VKORC1L1: variants seen among roughly 807,000 people sequenced by gnomAD.
The protein encoded by VKORC1L1 is vitamin K epoxide reductase complex subunit 1-like protein 1.
VKORC1L1 carries 2 observed loss-of-function variants against 18.9 expected under a neutral mutation model. The ratio of observed to expected loss-of-function variants is 0.11; its 90% CI spans 0.04 to 0.33. The LOEUF is 0.33. Ranked by LOEUF, VKORC1L1 falls within the 10% of genes least tolerant of loss-of-function variation. The pLI, the probability that VKORC1L1 is intolerant of heterozygous loss-of-function variation, is 1.00. For missense variants in VKORC1L1, 123 were observed against 224.1 expected, an observed-to-expected ratio of 0.55 and a Z score of 2.88; for synonymous variants, 96 against 100.0, an observed-to-expected ratio of 0.96 and a Z score of 0.24.
Position 65,948,702 on chromosome 7 carries a change from A to G in VKORC1L1, c.226A>G (p.Ile76Val). 3 of 1,376,480 alleles carry G rather than the reference A, an allele frequency of 2.2e-6. No individual in the cohort carries two copies. Among genetic ancestry groups the G allele is most frequent in the South Asian group, 1.4e-5 (1 of 73,990 alleles). 85.3% of individuals were successfully genotyped at this position (1,376,480 alleles called of 1,614,324 possible). Residue 76 changes from isoleucine (I) to valine (V), a missense_variant, in exon 2 of 3, where the codon ATT (isoleucine) becomes GTT (valine). By Grantham distance (29) the Ile-to-Val change is conservative. Transcript: ENST00000360768. ...TCGAGGATTTGGTCTTTTGGGTTCC[A>G]TTTTTGGAAAGGATGGTGTATTAAA... ...WGRGFGLLGS[I>V]FGKDGVLNQP...
chr7:65,937,251 C>G (rs1468674466), intron 1 of VKORC1L1, among the ~76,000 whole-genome samples: 1 of 152,228 alleles, frequency 6.6e-6, no homozygotes, highest in African/African-American at 2.4e-5. Flanking sequence ...TTACTCTCCT[C>G]TATCAACCAG....
At chr7:65,898,278 G>T (rs1342070379) in intron 1 of VKORC1L1, among the ~76,000 whole-genome samples, 2 of 151,578 alleles carry the variant, frequency 1.3e-5, no homozygotes, top group Admixed American at 1.3e-4. Context: ...GTAGAGACGG[G>T]GTTTCACCAT....
At chr7:65,886,839 G>GGTTTT (rs1237860894) in intron 1 of VKORC1L1, among the ~76,000 whole-genome samples, 41 of 58,626 alleles carry the variant, frequency 7.0e-4, no homozygotes, top group East Asian at 6.2e-3. Context: ...GCCTGTCCGA[G>GGTTTT]TTTTTTTTTT....
chr7:65,927,917 A>T (rs1187581684), intron 1 of VKORC1L1, among the ~76,000 whole-genome samples: 1 of 152,098 alleles, frequency 6.6e-6, no homozygotes, highest in East Asian at 1.9e-4. Context: ...GCCCCAACTG[A>T]TAGGCGCCTG....
At chr7:65,937,115 TTTGTTG>T (rs140101281) in intron 1 of VKORC1L1, among the ~76,000 whole-genome samples, 4 of 151,948 alleles carry the variant, frequency 2.6e-5, no homozygotes, top group African/African-American at 9.7e-5. Flanking sequence ...TGGGTTTTGT[TTTGTTG>T]TTGTTGTTGT....
upstream of VKORC1L1, among the ~76,000 whole-genome samples, chr7:65,869,762 T>A (rs568327145): frequency 6.6e-6 from 1 of 150,490 alleles, no homozygotes; most frequent in Non-Finnish European, 1.5e-5. Flanking sequence ...GTAATCCTTC[T>A]GCCTTGGCCT....
intron 1 of VKORC1L1, among the ~76,000 whole-genome samples, chr7:65,937,864 ATAAACT>A (rs1789969143): frequency 6.6e-6 from 1 of 152,210 alleles, no homozygotes; most frequent in African/African-American, 2.4e-5. Context: ...GTAGCCAGAA[ATAAACT>A]TAAAATAAAC....
intron 1 of VKORC1L1, among the ~76,000 whole-genome samples, chr7:65,892,388 T>A (rs190151816): frequency 2.0e-5 from 3 of 152,348 alleles, no homozygotes; most frequent in Admixed American, 2.0e-4. Context: ...TAATTTACAT[T>A]ACCAACAACA....
intron 1 of VKORC1L1, among the ~76,000 whole-genome samples, chr7:65,935,411 G>A (rs1789926883): frequency 1.3e-5 from 2 of 152,026 alleles, no homozygotes; most frequent in African/African-American, 2.4e-5. Context: ...CCAAGTTCAA[G>A]CGATTCTCCT....
At chr7:65,923,968 A>G (rs1265805016) in intron 1 of VKORC1L1, among the ~76,000 whole-genome samples, 2 of 152,124 alleles carry the variant, frequency 1.3e-5, no homozygotes, top group Non-Finnish European at 2.9e-5. Context: ...AGCTAATGGG[A>G]TCGGTCTTGC....
chr7:65,927,550 C>T (rs1233625082), intron 1 of VKORC1L1, among the ~76,000 whole-genome samples: 4 of 152,288 alleles, frequency 2.6e-5, no homozygotes, highest in Non-Finnish European at 4.4e-5. Flanking sequence ...GAATGGCAGC[C>T]TTGCAAGATA....
chr7:65,899,621 G>A (rs565937015), intron 1 of VKORC1L1, among the ~76,000 whole-genome samples: 1 of 152,230 alleles, frequency 6.6e-6, no homozygotes, highest in South Asian at 2.1e-4. Flanking sequence ...TAGGTGGAAG[G>A]TATGTGACTT....
chr7:65,916,314 A>G (rs1244041393), intron 1 of VKORC1L1, among the ~76,000 whole-genome samples: 1 of 152,034 alleles, frequency 6.6e-6, no homozygotes, highest in Non-Finnish European at 1.5e-5. Context: ...TAGAATTTAA[A>G]TGTGTTTGAT....
chr7:65,888,534 C>T (rs145163796), intron 1 of VKORC1L1, among the ~76,000 whole-genome samples: 1 of 152,144 alleles, frequency 6.6e-6, no homozygotes, highest in African/African-American at 2.4e-5. Flanking sequence ...AGAGTGAGCC[C>T]ATTTGCCCTG....
intron 1 of VKORC1L1, among the ~76,000 whole-genome samples, chr7:65,873,922 A>T (rs1456654845): frequency 2.7e-5 from 4 of 150,078 alleles, no homozygotes. Context: ...CTGGCTTGAC[A>T]GGTTTCCTGG....
At chr7:65,893,552 AAAAT>A (rs1396309078) in intron 1 of VKORC1L1, among the ~76,000 whole-genome samples, 1 of 151,970 alleles carries the variant, frequency 6.6e-6, no homozygotes, top group Non-Finnish European at 1.5e-5. Flanking sequence ...CAAAAAAGTA[AAAAT>A]AAATAAATAA....
chr7:65,946,703 A>G lies in VKORC1L1; in HGVS notation c.195-1968A>G, dbSNP rs574370236. On this transcript the variant is annotated intron_variant, in intron 1 of 2. Coordinates refer to ENST00000360768, the MANE Select transcript of VKORC1L1 (RefSeq NM_173517.6). ...TCCCTAAATAGAATTTAAGGTCCAC[A>G]AGGGCAGCACCTCGTCTGGCTCGTT... is the stretch of plus-strand genomic sequence containing the variant. 5.9e-5 allele frequency among the ~76,000 whole-genome samples: 9 copies of G among 152,314 alleles called. No individual in the cohort carries two copies. The East Asian group carries it at 1.5e-3, about 26-fold the overall frequency.
intron 1 of VKORC1L1, among the ~76,000 whole-genome samples, chr7:65,889,978 A>G (rs1789083832): frequency 6.6e-6 from 1 of 151,794 alleles, no homozygotes; most frequent in African/African-American, 2.4e-5. Context: ...GTTTTTGGAG[A>G]CTGAGTTTCA....
chr7:65,919,637 G>A (rs553023187), intron 1 of VKORC1L1, among the ~76,000 whole-genome samples: 6 of 152,122 alleles, frequency 3.9e-5, no homozygotes, highest in South Asian at 4.2e-4. Context: ...CCTCCACTGC[G>A]GTCATCTTGT....
Sources: gnomAD v4.1 joint callset for allele counts (sites outside exome capture counted in the v4.1 genomes callset) on GRCh38, gnomAD v4.1.1 for gene constraint, MANE v1.5 for transcripts, NCBI Gene and HGNC (gene_info 2026-07-23, HGNC 2026-07-21) for gene names.